Variants in LHFPL3 observed in about 807,000 individuals in gnomAD.
LHFPL3 encodes the protein LHFPL tetraspan subfamily member 3.
LHFPL3 carries 5 observed loss-of-function variants against 19.3 expected under a neutral mutation model. The ratio of observed to expected loss-of-function variants is 0.26; its 90% CI spans 0.14 to 0.54. The LOEUF (loss-of-function observed/expected upper bound fraction) is 0.54. Ranked by LOEUF, LHFPL3 falls within the 20% of genes least tolerant of loss-of-function variation. The pLI, the probability that LHFPL3 is intolerant of heterozygous loss-of-function variation, is 0.94. For synonymous variants in LHFPL3, 133 were observed against 126.2 expected (o/e 1.05, Z -0.36); for missense variants, 249 against 307.4 (o/e 0.81, Z 1.42).
At chr7:104,539,976 G>C (rs1007463428) in intron 1 of LHFPL3, among the ~76,000 whole-genome samples, 1 of 152,146 alleles carries the variant, frequency 6.6e-6, no homozygotes, top group African/African-American at 2.4e-5. Context: ...AAGTCTGGAA[G>C]GCAGAGTGTT....
At chr7:104,690,604 T>C (rs540820262) in intron 1 of LHFPL3, among the ~76,000 whole-genome samples, 29 of 152,234 alleles carry the variant, frequency 1.9e-4, no homozygotes, top group Non-Finnish European at 3.7e-4. Flanking sequence ...AATTCAGGGA[T>C]CTTCTACCTC....
chr7:104,749,579 A>C (rs1366091291), intron 2 of LHFPL3, among the ~76,000 whole-genome samples: 1 of 152,294 alleles, frequency 6.6e-6, no homozygotes, highest in African/African-American at 2.4e-5. Flanking sequence ...TTTTGGGATC[A>C]TGGCCGGAGA....
intron 1 of LHFPL3, among the ~76,000 whole-genome samples, chr7:104,597,870 C>T: frequency 6.6e-6 from 1 of 152,096 alleles, no homozygotes; most frequent in East Asian, 1.9e-4. Context: ...TTGGATATAA[C>T]ATATCTAAAC....
chr7:104,584,564 T>C (rs1790528745), intron 1 of LHFPL3, among the ~76,000 whole-genome samples: 1 of 152,128 alleles, frequency 6.6e-6, no homozygotes, highest in African/African-American at 2.4e-5. Flanking sequence ...AACTAAAATA[T>C]CATCTAAGTG....
At chr7:104,553,666 C>G (rs1794703478) in intron 1 of LHFPL3, among the ~76,000 whole-genome samples, 1 of 152,182 alleles carries the variant, frequency 6.6e-6, no homozygotes, top group South Asian at 2.1e-4. Context: ...ATTTACATTA[C>G]AGTCCTCAGG....
In LHFPL3 at chr7:104,730,328, C is replaced by G. The variant is rs1756290147; in HGVS notation, c.446-6347C>G. The stretch of plus-strand genomic sequence containing the variant: ...CCCTGAGGAATTGCCACACTGTCTT[C>G]CACAATGGATGAACTAGTTTACAGT... On this transcript the variant is annotated intron_variant, in intron 1 of 2. Coordinates refer to ENST00000424859, the MANE Select transcript of LHFPL3 (RefSeq NM_199000.3). Among the ~76,000 whole-genome samples the G allele has an allele frequency of 2.6e-5, 4 of 152,306 alleles. No homozygotes were observed. The South Asian group carries it at 8.3e-4, about 32-fold the overall frequency.
chr7:104,499,484 A>T (rs1793556275), intron 1 of LHFPL3, among the ~76,000 whole-genome samples: 1 of 152,194 alleles, frequency 6.6e-6, no homozygotes, highest in South Asian at 2.1e-4. Context: ...TTATCTTGGT[A>T]CCACCCTTGT....
chr7:104,603,748 T>A (rs539076321), intron 1 of LHFPL3, among the ~76,000 whole-genome samples: 1 of 152,340 alleles, frequency 6.6e-6, no homozygotes, highest in African/African-American at 2.4e-5. Flanking sequence ...CTCAAGCAAG[T>A]TCAAAACCCA....
intron 1 of LHFPL3, among the ~76,000 whole-genome samples, chr7:104,456,702 C>G (rs1450163117): frequency 6.6e-6 from 1 of 152,004 alleles, no homozygotes; most frequent in Admixed American, 6.6e-5. Flanking sequence ...CTTTGGTGCC[C>G]TAAATAAGAA....
At chr7:104,754,919 T>A (rs1379366475) in intron 2 of LHFPL3, among the ~76,000 whole-genome samples, 1 of 152,134 alleles carries the variant, frequency 6.6e-6, no homozygotes, top group Non-Finnish European at 1.5e-5. Context: ...GTTCTCACTT[T>A]TTGTCACCAG....
chr7:104,387,751 C>T (rs936396600), intron 1 of LHFPL3, among the ~76,000 whole-genome samples: 1 of 152,156 alleles, frequency 6.6e-6, no homozygotes, highest in African/African-American at 2.4e-5. Flanking sequence ...CAGAAGTCCA[C>T]AACTACGTAC....
At chr7:104,537,966 A>G (rs775638446) in intron 1 of LHFPL3, among the ~76,000 whole-genome samples, 2 of 152,212 alleles carry the variant, frequency 1.3e-5, no homozygotes, top group Non-Finnish European at 2.9e-5. Flanking sequence ...TATACAGATC[A>G]TAGTGAATAG....
chr7:104,838,996 A>G (rs73181902), intron 2 of LHFPL3, among the ~76,000 whole-genome samples: 3,157 of 152,340 alleles, frequency 0.021, 43 homozygotes, highest in Middle Eastern at 0.034. Context: ...CCACCAGGGA[A>G]TGAATTCTTA....
intron 1 of LHFPL3, among the ~76,000 whole-genome samples, chr7:104,625,272 T>C (rs993533093): frequency 6.6e-6 from 1 of 152,250 alleles, no homozygotes; most frequent in African/African-American, 2.4e-5. Context: ...TCATTCTGAA[T>C]TAATTATGAC....
chr7:104,777,409 T>C (rs916552956), intron 2 of LHFPL3, among the ~76,000 whole-genome samples: 2 of 152,334 alleles, frequency 1.3e-5, no homozygotes, highest in Non-Finnish European at 2.9e-5. Context: ...ATCTGGGAGA[T>C]GCCCCGCTGT....
At chr7:104,473,526 A>T (rs984495086) in intron 1 of LHFPL3, among the ~76,000 whole-genome samples, 7 of 152,194 alleles carry the variant, frequency 4.6e-5, no homozygotes, top group African/African-American at 1.7e-4. Context: ...TTCAGTGCTA[A>T]CTTTGTGCCT....
intron 2 of LHFPL3, among the ~76,000 whole-genome samples, chr7:104,905,872 G>A (rs1792589125): frequency 6.6e-6 from 1 of 152,196 alleles, no homozygotes; most frequent in African/African-American, 2.4e-5. Context: ...ATTTTTCCAT[G>A]CTAAGCAGAA....
intron 1 of LHFPL3, among the ~76,000 whole-genome samples, chr7:104,562,826 G>A (rs1364636800): frequency 6.6e-6 from 1 of 150,562 alleles, no homozygotes; most frequent in Admixed American, 6.6e-5. Flanking sequence ...TCTACTTTTG[G>A]TCTTTGATGA....
At chr7:104,416,564 G>C (rs531676752) in intron 1 of LHFPL3, among the ~76,000 whole-genome samples, 1 of 152,310 alleles carries the variant, frequency 6.6e-6, no homozygotes, top group South Asian at 2.1e-4. Context: ...TCCTACAAGG[G>C]AGGCTTGGGA....
Sources: allele counts gnomAD v4.1 joint callset (sites outside exome capture counted in the v4.1 genomes callset), GRCh38; gene constraint gnomAD v4.1.1; transcripts MANE v1.5; gene names NCBI Gene and HGNC (gene_info 2026-07-23, HGNC 2026-07-21).